The following SLCO1B1 variants were observed in gnomAD, a reference collection of about 807,000 sequenced individuals.
The protein encoded by SLCO1B1 is OATP-2.
In SLCO1B1, 81 loss-of-function variants were observed where a neutral mutation model predicts 70.1. The observed-to-expected ratio is 1.16, with a 90% CI of 0.97 to 1.39. SLCO1B1 has a LOEUF of 1.39. Ranked by LOEUF, SLCO1B1 falls within the 40% of genes most tolerant of loss-of-function variation. SLCO1B1 has a pLI of 0.00. For synonymous variants in SLCO1B1, 283 were observed against 271.5 expected (o/e 1.04, Z -0.42); for missense variants, 895 against 799.6 (o/e 1.12, Z -1.44).
chr12:21,160,602 G>A (rs1264963037), intron 2 of SLCO1B1, among the ~76,000 whole-genome samples: 2 of 151,980 alleles, frequency 1.3e-5, no homozygotes, highest in African/African-American at 4.8e-5. Flanking sequence ...ACATAGGAAT[G>A]GCAAAGATTT....
intron 1 of SLCO1B1, among the ~76,000 whole-genome samples, chr12:21,136,441 C>G (rs11045782): frequency 6.6e-6 from 1 of 151,818 alleles, no homozygotes; most frequent in Non-Finnish European, 1.5e-5. Context: ...AACTTGGTTC[C>G]CTTCTCCCCA....
intron 11 of SLCO1B1, among the ~76,000 whole-genome samples, chr12:21,207,384 T>C (rs1941226432): frequency 6.6e-6 from 1 of 152,012 alleles, no homozygotes; most frequent in South Asian, 2.1e-4. Flanking sequence ...AGTGAGAACA[T>C]GTGGCATCTG....
Position 21,239,251 on chromosome 12 carries a change from G to C in SLCO1B1, c.*62G>C. Reference sequence around the variant, plus strand: ...AAACAGCATTGCATTGATTCAGTAAGATGTTATTTTTGAGGAGTTCCTGGT... The same window carrying C: ...AAACAGCATTGCATTGATTCAGTAACATGTTATTTTTGAGGAGTTCCTGGT... On this transcript the variant is annotated 3_prime_UTR_variant, in exon 15 of 15. Coordinates refer to ENST00000256958, the MANE Select transcript of SLCO1B1 (RefSeq NM_006446.5). 8.4e-7 allele frequency: 1 copy of C among 1,195,936 alleles called. No homozygotes were observed. Among genetic ancestry groups the C allele is most frequent in the Non-Finnish European group, 1.2e-6 (1 of 800,640 alleles). 74.1% of individuals were successfully genotyped at this position (1,195,936 alleles called of 1,614,324 possible).
chr12:21,133,755 A>G (rs1940175123), intron 1 of SLCO1B1, among the ~76,000 whole-genome samples: 2 of 152,150 alleles, frequency 1.3e-5, no homozygotes, highest in Non-Finnish European at 2.9e-5. Flanking sequence ...GGTTTTCTAG[A>G]TATACAATCA....
chr12:21,178,964 T>A lies in SLCO1B1; in HGVS notation c.671T>A (p.Phe224Tyr), dbSNP rs756431817. ...GCAATGATTGGTCCAATCATTGGCT[T>A]TACCCTGGGATCTCTGTTTTCTAAA... is the stretch of plus-strand genomic sequence containing the variant. ...AIAMIGPIIG[F>Y]TLGSLFSKMY... Residue 224 changes from phenylalanine (F) to tyrosine (Y), a missense_variant, in exon 7 of 15, where the codon TTT (phenylalanine) becomes TAT (tyrosine). Coordinates refer to ENST00000256958, the MANE Select transcript of SLCO1B1 (RefSeq NM_006446.5). The A allele has an allele frequency of 2.2e-5, 35 of 1,612,370 alleles. No homozygotes were observed. The South Asian group carries it at 3.6e-4, about 17-fold the overall frequency.
chr12:21,188,218 C>G (rs897797793), intron 7 of SLCO1B1, among the ~76,000 whole-genome samples: 1 of 152,110 alleles, frequency 6.6e-6, no homozygotes, highest in Non-Finnish European at 1.5e-5. Flanking sequence ...CCTCTACCTC[C>G]TCCACCTCTT....
At chr12:21,156,286 A>G (rs1354188558) in intron 2 of SLCO1B1, among the ~76,000 whole-genome samples, 1 of 152,242 alleles carries the variant, frequency 6.6e-6, no homozygotes, top group African/African-American at 2.4e-5. Context: ...ATTTGAAAAT[A>G]TTATATTAAA....
chr12:21,207,663 A>G (rs1941230311), intron 11 of SLCO1B1, among the ~76,000 whole-genome samples: 1 of 152,056 alleles, frequency 6.6e-6, no homozygotes, highest in Non-Finnish European at 1.5e-5. Context: ...TATACCCGGT[A>G]GTGGGATTGC....
chr12:21,174,548 G>T (rs746990539), intron 3 of SLCO1B1, 29 bp from the exon 4 acceptor site: 5 of 1,610,050 alleles, frequency 3.1e-6, no homozygotes, highest in Non-Finnish European at 4.2e-6. Context: ...GAACTAAGCT[G>T]TATCAACATA....
intron 11 of SLCO1B1, 51 bp from the exon 12 acceptor site, chr12:21,217,068 C>G (rs1941366900): frequency 6.6e-6 from 9 of 1,369,402 alleles, no homozygotes; most frequent in Non-Finnish European, 9.4e-6. Flanking sequence ...ATTTGCAGCA[C>G]TGTTAGGTCT....
intron 2 of SLCO1B1, among the ~76,000 whole-genome samples, chr12:21,161,519 G>A (rs1215229831): frequency 1.8e-4 from 28 of 152,058 alleles, no homozygotes; most frequent in Non-Finnish European, 4.4e-5. Flanking sequence ...GAGGTTGGAG[G>A]GTGGAGGGTG....
intron 13 of SLCO1B1, among the ~76,000 whole-genome samples, chr12:21,222,961 A>G (rs1258600228): frequency 6.6e-6 from 1 of 152,170 alleles, no homozygotes; most frequent in Non-Finnish European, 1.5e-5. Context: ...ATGAGATGCT[A>G]TAGTATTCTG....
chr12:21,134,248 A>T (rs1358240161), intron 1 of SLCO1B1, among the ~76,000 whole-genome samples: 4 of 152,160 alleles, frequency 2.6e-5, no homozygotes, highest in African/African-American at 9.7e-5. Flanking sequence ...TATTTTATTG[A>T]GGATTTTTGC....
intron 7 of SLCO1B1, among the ~76,000 whole-genome samples, chr12:21,181,556 A>G (rs1266268922): frequency 6.6e-6 from 1 of 152,148 alleles, no homozygotes; most frequent in Non-Finnish European, 1.5e-5. Flanking sequence ...TATATTAGTG[A>G]GTTTTCTTAT....
At chr12:21,192,856 T>C (rs1168974803) in intron 7 of SLCO1B1, among the ~76,000 whole-genome samples, 1 of 152,070 alleles carries the variant, frequency 6.6e-6, no homozygotes, top group Non-Finnish European at 1.5e-5. Flanking sequence ...TACTGAACAC[T>C]TCCTCTTACT....
intron 12 of SLCO1B1, 72 bp downstream of exon 12, chr12:21,217,375 A>C: frequency 8.8e-7 from 1 of 1,133,500 alleles, no homozygotes; most frequent in Non-Finnish European, 1.3e-6. Context: ...GCATATTTTT[A>C]CATAATATAC....
chr12:21,172,303 A>G (rs971827324), intron 2 of SLCO1B1, among the ~76,000 whole-genome samples: 2 of 152,174 alleles, frequency 1.3e-5, no homozygotes, highest in Non-Finnish European at 2.9e-5. Flanking sequence ...AGCCAATGCT[A>G]TTCATATGGA....
intron 12 of SLCO1B1, 77 bp from the exon 13 acceptor site, chr12:21,222,223 A>G: frequency 1.5e-6 from 1 of 652,260 alleles, no homozygotes; most frequent in Non-Finnish European, 2.6e-6. Context: ...GAAAAACAAC[A>G]CAGGAGAAGG....
At chr12:21,209,314 T>C (rs1329906441) in intron 11 of SLCO1B1, among the ~76,000 whole-genome samples, 3 of 151,824 alleles carry the variant, frequency 2.0e-5, no homozygotes, top group East Asian at 3.9e-4. Flanking sequence ...CGGTGTTTGG[T>C]TTTTTGTTCT....
Sources: allele counts gnomAD v4.1 joint callset (sites outside exome capture counted in the v4.1 genomes callset), GRCh38; gene constraint gnomAD v4.1.1; transcripts MANE v1.5; gene names NCBI Gene and HGNC (gene_info 2026-07-23, HGNC 2026-07-21).